The following NR6A1 variants were observed in gnomAD, a reference collection of about 807,000 sequenced individuals.
NR6A1 encodes retinoic acid receptor-related testis-associated receptor.
In NR6A1, 7 loss-of-function variants were observed where a neutral mutation model predicts 59.1. The observed-to-expected ratio is 0.12, with a 90% CI of 0.07 to 0.22. The LOEUF (loss-of-function observed/expected upper bound fraction) is 0.22, where lower values mean the gene tolerates loss of function less well. NR6A1 is among the 10% of genes least tolerant of loss of function. The pLI is 1.00. For synonymous variants in NR6A1, 243 were observed against 236.1 expected, an observed-to-expected ratio of 1.03 and a Z score of -0.27; for missense variants, 468 against 611.6, an observed-to-expected ratio of 0.77 and a Z score of 2.48.
At chr9:124,667,078 C>G (rs993072393) in intron 2 of NR6A1, among the ~76,000 whole-genome samples, 3 of 151,308 alleles carry the variant, frequency 2.0e-5, no homozygotes, top group Non-Finnish European at 2.9e-5. Context: ...CTCTGTCACC[C>G]AGGCTGGAGT....
chr9:124,601,798 TA>T (rs1009001361), intron 2 of NR6A1, among the ~76,000 whole-genome samples: 4 of 147,364 alleles, frequency 2.7e-5, no homozygotes, highest in African/African-American at 2.5e-5. Flanking sequence ...CCCGTCTCTA[TA>T]AAAAAAAAAT....
intron 3 of NR6A1, among the ~76,000 whole-genome samples, chr9:124,548,618 A>G (rs1468514520): frequency 6.6e-6 from 1 of 152,200 alleles, no homozygotes; most frequent in African/African-American, 2.4e-5. Flanking sequence ...GAGATTTCTC[A>G]GTGCTTCATG....
intron 2 of NR6A1, among the ~76,000 whole-genome samples, chr9:124,703,682 C>T (rs989749285): frequency 6.6e-6 from 1 of 152,138 alleles, no homozygotes; most frequent in African/African-American, 2.4e-5. Context: ...CACCTGTGTT[C>T]GTAAAGGGCT....
At chr9:124,765,494 A>G (rs1305214231) in intron 1 of NR6A1, among the ~76,000 whole-genome samples, 1 of 152,216 alleles carries the variant, frequency 6.6e-6, no homozygotes, top group Non-Finnish European at 1.5e-5. Flanking sequence ...TTTTAAGAAC[A>G]AAAATTCCAA....
At chr9:124,620,528 G>T (rs73581861) in intron 2 of NR6A1, among the ~76,000 whole-genome samples, 2,763 of 152,268 alleles carry the variant, frequency 0.018, 76 homozygotes, top group African/African-American at 0.062. Context: ...CTATGGCACG[G>T]ACAAACTTCA....
At chr9:124,641,202 T>TA (rs1279383939) in intron 2 of NR6A1, among the ~76,000 whole-genome samples, 1 of 151,052 alleles carries the variant, frequency 6.6e-6, no homozygotes, top group Non-Finnish European at 1.5e-5. Flanking sequence ...AAAATAAAAA[T>TA]AAAAAAATTA....
intron 1 of NR6A1, among the ~76,000 whole-genome samples, chr9:124,770,788 A>G: frequency 6.9e-6 from 1 of 144,768 alleles, no homozygotes; most frequent in African/African-American, 2.6e-5. Flanking sequence ...GGGCAGGGGG[A>G]GGGTCCGCGC....
chr9:124,619,273 AT>A (rs1358965884), intron 2 of NR6A1, among the ~76,000 whole-genome samples: 2 of 151,884 alleles, frequency 1.3e-5, no homozygotes, highest in Non-Finnish European at 2.9e-5. Flanking sequence ...TAAAAAAAAA[AT>A]TTTTTTTGAG....
intron 2 of NR6A1, among the ~76,000 whole-genome samples, chr9:124,671,110 G>T (rs546384077): frequency 6.6e-6 from 1 of 152,146 alleles, no homozygotes. Flanking sequence ...GAACTGGAAC[G>T]AGGGGAAATG....
At chr9:124,632,994 TGAAAA>T (rs1012190690) in intron 2 of NR6A1, among the ~76,000 whole-genome samples, 8 of 152,144 alleles carry the variant, frequency 5.3e-5, no homozygotes, top group Non-Finnish European at 1.0e-4. Flanking sequence ...CCACACAAGC[TGAAAA>T]GAAAAGAAAC....
At chr9:124,598,958 A>G in intron 2 of NR6A1, 1 of 713,802 alleles carries the variant, frequency 1.4e-6, no homozygotes, top group East Asian at 2.6e-5. Context: ...GTCATTACCC[A>G]CGTTGGGTTT....
At chr9:124,570,136 T>A (rs1330620528) in intron 2 of NR6A1, among the ~76,000 whole-genome samples, 1 of 152,244 alleles carries the variant, frequency 6.6e-6, no homozygotes, top group Non-Finnish European at 1.5e-5. Context: ...TCACCTTATC[T>A]TAAGTAAAGT....
chr9:124,638,956 T>A (rs1836696111), intron 2 of NR6A1, among the ~76,000 whole-genome samples: 1 of 152,164 alleles, frequency 6.6e-6, no homozygotes, highest in African/African-American at 2.4e-5. Context: ...GGAAGCTGAT[T>A]TTCTAAAAAG....
chr9:124,541,416 A>T (rs982873095), intron 4 of NR6A1, among the ~76,000 whole-genome samples: 2 of 152,196 alleles, frequency 1.3e-5, no homozygotes, highest in African/African-American at 4.8e-5. Context: ...ACAAATCAAA[A>T]CTTGAAGATA....
intron 2 of NR6A1, among the ~76,000 whole-genome samples, chr9:124,693,188 G>GA (rs1838617771): frequency 2.0e-5 from 3 of 152,082 alleles, no homozygotes; most frequent in Non-Finnish European, 4.4e-5. Flanking sequence ...CTAGTTATTT[G>GA]ACCCCCTAAG....
chr9:124,585,558 AGGG>A (rs1159676111), intron 2 of NR6A1, among the ~76,000 whole-genome samples: 3 of 27,626 alleles, frequency 1.1e-4, no homozygotes, highest in African/African-American at 4.2e-4. Context: ...AAAAAAAAAA[AGGG>A]GGGGGGGGGC....
intron 7 of NR6A1, among the ~76,000 whole-genome samples, chr9:124,533,219 C>A (rs1833149842): frequency 6.6e-6 from 1 of 152,230 alleles, no homozygotes; most frequent in Non-Finnish European, 1.5e-5. Flanking sequence ...CAAACCCTGA[C>A]AGCATCAGAG....
intron 2 of NR6A1, among the ~76,000 whole-genome samples, chr9:124,588,874 C>G (rs1311074061): frequency 3.6e-5 from 5 of 140,766 alleles, no homozygotes; most frequent in Non-Finnish European, 7.7e-5. Flanking sequence ...GAGCCGAGAT[C>G]GTGCCACTGC....
intron 2 of NR6A1, among the ~76,000 whole-genome samples, chr9:124,728,363 C>G (rs1839786190): frequency 1.3e-5 from 2 of 151,708 alleles, no homozygotes; most frequent in Admixed American, 6.6e-5. Flanking sequence ...CGGCCAGGCA[C>G]GGTGGCTCAC....
Sources: allele counts gnomAD v4.1 joint callset (sites outside exome capture counted in the v4.1 genomes callset), GRCh38; gene constraint gnomAD v4.1.1; transcripts MANE v1.5; gene names NCBI Gene and HGNC (gene_info 2026-07-23, HGNC 2026-07-21).